The following MARCHF1 variants were observed in gnomAD, a reference collection of about 807,000 sequenced individuals.
MARCHF1 encodes membrane associated ring-CH-type finger 1.
Under a neutral mutation model 54.2 loss-of-function variants are expected in MARCHF1, and 40 were observed. The observed-to-expected ratio is 0.74, with a 90% CI of 0.57 to 0.96. The LOEUF is 0.96. MARCHF1 is among the 40% of genes least tolerant of loss of function. The pLI is 0.00. For missense variants in MARCHF1, 586 were observed against 656.5 expected (o/e 0.89, Z 1.17); for synonymous variants, 236 against 236.3 (o/e 1.00, Z 0.01).
intron 3 of MARCHF1, among the ~76,000 whole-genome samples, chr4:163,912,339 G>A (rs1290319261): frequency 6.6e-6 from 1 of 152,004 alleles, no homozygotes; most frequent in Non-Finnish European, 1.5e-5. Flanking sequence ...CCTTTCAAAG[G>A]GATCTGAGTC....
rs187768425 is a variant in MARCHF1 at position 163,940,907 on chromosome 4, C to T, written c.-39+47594G>A. ...CATATAAAGTTTGGATCAGAGTAAACTCTCAATAAATACTTGTTTTCATAA... is the reference window on the plus strand; with the variant it reads ...CATATAAAGTTTGGATCAGAGTAAATTCTCAATAAATACTTGTTTTCATAA... On this transcript the variant is annotated intron_variant, in intron 3 of 9. Coordinates refer to ENST00000514618, the MANE Select transcript of MARCHF1 (RefSeq NM_001394959.1). Among the ~76,000 whole-genome samples the T allele has an allele frequency of 2.6e-5, 4 of 152,146 alleles. No homozygotes were observed. The East Asian group carries it at 7.7e-4, about 29-fold the overall frequency.
intron 2 of MARCHF1, among the ~76,000 whole-genome samples, chr4:164,028,744 A>T (rs557057625): frequency 1.4e-4 from 22 of 152,040 alleles, no homozygotes; most frequent in African/African-American, 4.8e-4. Context: ...AAATGAAAAT[A>T]AAAAAAACAC....
chr4:163,707,555 T>C (rs1744984603), intron 4 of MARCHF1, among the ~76,000 whole-genome samples: 1 of 152,002 alleles, frequency 6.6e-6, no homozygotes, highest in South Asian at 2.1e-4. Context: ...TTAAGAGTGA[T>C]AGCTTCTGTT....
chr4:163,726,176 A>G, intron 4 of MARCHF1, among the ~76,000 whole-genome samples: 1 of 152,174 alleles, frequency 6.6e-6, no homozygotes, highest in East Asian at 1.9e-4. Context: ...TGTATATTCT[A>G]CGGACTTTGA....
At chr4:164,182,759 CTGT>C (rs1320368652) in intron 1 of MARCHF1, among the ~76,000 whole-genome samples, 1 of 151,902 alleles carries the variant, frequency 6.6e-6, no homozygotes, top group African/African-American at 2.4e-5. Flanking sequence ...TGCAAGACTC[CTGT>C]TATTAGAAAT....
At chr4:164,295,958 A>C (rs1734399872) in intron 1 of MARCHF1, among the ~76,000 whole-genome samples, 1 of 152,168 alleles carries the variant, frequency 6.6e-6, no homozygotes, top group South Asian at 2.1e-4. Context: ...AAAAGCAAAA[A>C]CAACAATAAT....
At chr4:163,763,293 T>C (rs1481867808) in intron 4 of MARCHF1, among the ~76,000 whole-genome samples, 2 of 152,058 alleles carry the variant, frequency 1.3e-5, no homozygotes, top group Non-Finnish European at 2.9e-5. Flanking sequence ...TTCTCATTCA[T>C]TGAGCAGGAA....
At chr4:163,979,170 C>A (rs564460570) in intron 3 of MARCHF1, among the ~76,000 whole-genome samples, 1 of 56,058 alleles carries the variant, frequency 1.8e-5, no homozygotes, top group Admixed American at 2.0e-4. Flanking sequence ...ATCCCCCCCC[C>A]TCCCCCCACC....
intron 8 of MARCHF1, among the ~76,000 whole-genome samples, chr4:163,555,678 G>C (rs1448169917): frequency 6.6e-6 from 1 of 152,086 alleles, no homozygotes; most frequent in Admixed American, 6.5e-5. Context: ...CTTAATTATG[G>C]ATTGTGGCTT....
At chr4:164,074,563 C>T (rs1371832299) in intron 2 of MARCHF1, among the ~76,000 whole-genome samples, 1 of 151,770 alleles carries the variant, frequency 6.6e-6, no homozygotes, top group Non-Finnish European at 1.5e-5. Flanking sequence ...AAAATTAAAG[C>T]CAACAAGTCT....
chr4:164,278,562 T>C lies in MARCHF1; in HGVS notation c.-323+105308A>G, dbSNP rs187044158. Among the ~76,000 whole-genome samples, 1,151 of 152,330 alleles carry C rather than the reference T, an allele frequency of 7.6e-3. 18 individuals are homozygous for C. Among genetic ancestry groups the C allele is most frequent in the African/African-American group, 0.026 (1,089 of 41,576 alleles). Reference sequence around the variant, plus strand: ...TGCCAGAGCTGACCTTGAAAGATTGTTCAAATATGGCTCAGTGTGATTGAA... The same window carrying C: ...TGCCAGAGCTGACCTTGAAAGATTGCTCAAATATGGCTCAGTGTGATTGAA... On this transcript the variant is annotated intron_variant, in intron 1 of 9. Transcript: ENST00000514618.
intron 3 of MARCHF1, among the ~76,000 whole-genome samples, chr4:163,987,659 T>C (rs58215000): frequency 7.2e-4 from 109 of 152,328 alleles, no homozygotes; most frequent in Middle Eastern, 3.4e-3. Flanking sequence ...ATAGTTATGT[T>C]AAAGAGACAA....
intron 7 of MARCHF1, among the ~76,000 whole-genome samples, chr4:163,589,988 A>G (rs921092199): frequency 2.0e-5 from 3 of 151,888 alleles, no homozygotes; most frequent in African/African-American, 4.8e-5. Context: ...TCTTACTTTT[A>G]CATTATTTCT....
intron 1 of MARCHF1, among the ~76,000 whole-genome samples, chr4:164,235,478 G>A (rs971766282): frequency 8.5e-5 from 13 of 152,118 alleles, no homozygotes; most frequent in East Asian, 1.9e-4. Flanking sequence ...TAAAGTTGTC[G>A]TTTACTTCTT....
intron 4 of MARCHF1, among the ~76,000 whole-genome samples, chr4:163,789,562 A>G (rs918980642): frequency 6.6e-6 from 1 of 151,516 alleles, no homozygotes; most frequent in Non-Finnish European, 1.5e-5. Context: ...TGTATATTAG[A>G]GTCATCTGAG....
intron 4 of MARCHF1, among the ~76,000 whole-genome samples, chr4:163,846,239 T>A (rs1427410136): frequency 6.6e-6 from 1 of 152,186 alleles, no homozygotes; most frequent in Non-Finnish European, 1.5e-5. Flanking sequence ...CAGAATGCAT[T>A]AAGGCCACTG....
chr4:164,312,319 CTTTTTTTTTTTTTT>C (rs34613860), intron 1 of MARCHF1, among the ~76,000 whole-genome samples: 1 of 103,442 alleles, frequency 9.7e-6, no homozygotes, highest in Non-Finnish European at 1.9e-5. Flanking sequence ...TTTTCTTTTT[CTTTTTTTTTTTTTT>C]TTTTTTTGAG....
chr4:164,009,624 A>G lies in MARCHF1; in HGVS notation c.-247-20915T>C, dbSNP rs535807460. On this transcript the variant is annotated intron_variant, in intron 2 of 9. Transcript: ENST00000514618. ...CAAGTGGGATTCATCCAGAAATGCA[A>G]GGATGGTTTAACTTATACAAATCCA... 7.9e-5 allele frequency among the ~76,000 whole-genome samples: 12 copies of G among 152,360 alleles called. No individual in the cohort carries two copies. In the East Asian group the frequency reaches 2.3e-3, roughly 29 times the overall value.
chr4:163,971,095 G>A (rs1752538309), intron 3 of MARCHF1, among the ~76,000 whole-genome samples: 1 of 152,158 alleles, frequency 6.6e-6, no homozygotes, highest in Non-Finnish European at 1.5e-5. Flanking sequence ...TGAGTACTGT[G>A]CTGTAACCAA....
Sources: allele counts gnomAD v4.1 joint callset (sites outside exome capture counted in the v4.1 genomes callset), GRCh38; gene constraint gnomAD v4.1.1; transcripts MANE v1.5; gene names NCBI Gene and HGNC (gene_info 2026-07-23, HGNC 2026-07-21).